The following PTPRD variants were observed in gnomAD, a reference collection of about 807,000 sequenced individuals.
PTPRD encodes the protein receptor-type tyrosine-protein phosphatase delta.
Under a neutral mutation model 214.5 loss-of-function variants are expected in PTPRD, and 34 were observed. That is an observed-to-expected ratio of 0.16 (90% CI 0.12 to 0.21). PTPRD has a LOEUF of 0.21. PTPRD is among the 10% of genes least tolerant of loss of function. The pLI is 1.00. For missense variants in PTPRD, 2,545 were observed against 2,398.7 expected (o/e 1.06, Z -1.27); for synonymous variants, 1,128 against 845.7 (o/e 1.33, Z -5.79).
chr9:9,854,288 T>C (rs895987274), intron 5 of PTPRD, among the ~76,000 whole-genome samples: 4 of 152,200 alleles, frequency 2.6e-5, no homozygotes, highest in Non-Finnish European at 5.9e-5. Flanking sequence ...CATGGTCATA[T>C]AGGGAACAAG....
chr9:10,195,017 C>T (rs1773788976), intron 3 of PTPRD, among the ~76,000 whole-genome samples: 1 of 149,400 alleles, frequency 6.7e-6, no homozygotes, highest in African/African-American at 2.5e-5. Context: ...ACTGTAACCT[C>T]TGCCTCCTGG....
At chr9:9,138,751 C>T (rs1335933154) in intron 10 of PTPRD, among the ~76,000 whole-genome samples, 2 of 152,064 alleles carry the variant, frequency 1.3e-5, no homozygotes, top group East Asian at 3.9e-4. Context: ...TGTATTTTAA[C>T]ACAGAGTTGT....
At chr9:8,809,663 T>C (rs1476497271) in intron 11 of PTPRD, among the ~76,000 whole-genome samples, 2 of 152,172 alleles carry the variant, frequency 1.3e-5, no homozygotes, top group Non-Finnish European at 2.9e-5. Flanking sequence ...AACTACATCT[T>C]ATCTCCATTG....
rs910054401 is a variant in PTPRD, at chr9:10,031,675, C to G, written c.-472+2043G>C. Among the ~76,000 whole-genome samples the G allele has an allele frequency of 1.1e-4, 16 of 139,976 alleles. No individual in the cohort carries two copies. In the Admixed American group the frequency reaches 1.2e-3, roughly 10 times the overall value. 91.8% of individuals were successfully genotyped at this position (139,976 alleles called of 152,430 possible). A position where few individuals can be genotyped will look rare whatever the true frequency, so the allele number is the denominator to read the frequency against. On this transcript the variant is annotated intron_variant, in intron 4 of 45. Transcript: ENST00000381196. ...ACACACACACACACACATACACACA[C>G]ACACACATATCCTATTAGTTCTGTC...
At chr9:8,471,292 T>C (rs543079238) in intron 30 of PTPRD, among the ~76,000 whole-genome samples, 1 of 152,236 alleles carries the variant, frequency 6.6e-6, no homozygotes, top group South Asian at 2.1e-4. Flanking sequence ...ATTGCAGTGA[T>C]CTTGTATGGT....
intron 3 of PTPRD, among the ~76,000 whole-genome samples, chr9:10,258,266 A>T (rs562962655): frequency 1.3e-5 from 2 of 148,594 alleles, no homozygotes; most frequent in South Asian, 4.2e-4. Context: ...ATTTCTGCTT[A>T]GGCAGCCCTC....
chr9:8,723,980 A>G (rs975866576), intron 12 of PTPRD, among the ~76,000 whole-genome samples: 2 of 152,226 alleles, frequency 1.3e-5, no homozygotes, highest in Admixed American at 6.5e-5. Context: ...TTGAAAACCT[A>G]TTGCAAATTG....
intron 4 of PTPRD, among the ~76,000 whole-genome samples, chr9:9,947,129 T>C (rs539399214): frequency 6.7e-6 from 1 of 149,186 alleles, no homozygotes; most frequent in Non-Finnish European, 1.5e-5. Flanking sequence ...CACGTCCCTT[T>C]ATCATGTATT....
chr9:9,001,992 T>TG (rs1265887311), intron 11 of PTPRD, among the ~76,000 whole-genome samples: 11 of 88,106 alleles, frequency 1.2e-4, no homozygotes, highest in Non-Finnish European at 2.0e-4. Context: ...TGTGTGTGTT[T>TG]GGGGGGTTGG....
intron 14 of PTPRD, among the ~76,000 whole-genome samples, chr9:8,548,711 TG>T (rs2081074148): frequency 1.2e-5 from 1 of 80,358 alleles, no homozygotes; most frequent in Non-Finnish European, 2.5e-5. Flanking sequence ...TTTTTTTTTT[TG>T]AGACGGAGTT....
chr9:9,357,487 C>T (rs1239064387), intron 9 of PTPRD, among the ~76,000 whole-genome samples: 3 of 151,128 alleles, frequency 2.0e-5, no homozygotes, highest in East Asian at 2.0e-4. Context: ...CTTTGAATGG[C>T]GTTAGTCACT....
At chr9:9,794,980 G>T (rs759702865) in intron 5 of PTPRD, among the ~76,000 whole-genome samples, 30 of 152,220 alleles carry the variant, frequency 2.0e-4, no homozygotes, top group Admixed American at 1.6e-3. Flanking sequence ...GGAGTGGAAA[G>T]AGCAGAGGTA....
chr9:9,704,290 C>A (rs1274649646), intron 7 of PTPRD, among the ~76,000 whole-genome samples: 13 of 151,516 alleles, frequency 8.6e-5, no homozygotes, highest in Non-Finnish European at 1.5e-4. Flanking sequence ...TACTTTATTG[C>A]AGCTCACTAA....
At chr9:8,549,872 C>A (rs923400279) in intron 14 of PTPRD, among the ~76,000 whole-genome samples, 1 of 151,990 alleles carries the variant, frequency 6.6e-6, no homozygotes. Flanking sequence ...TGCAATCAGA[C>A]AAAAAGGGTA....
chr9:8,616,753 C>T (rs893439140), intron 14 of PTPRD, among the ~76,000 whole-genome samples: 20 of 152,054 alleles, frequency 1.3e-4, no homozygotes, highest in African/African-American at 4.6e-4. Context: ...TAAAGACTGC[C>T]GATGTTATTA....
chr9:10,022,805 T>C (rs1365064157), intron 4 of PTPRD, among the ~76,000 whole-genome samples: 5 of 152,234 alleles, frequency 3.3e-5, no homozygotes, highest in African/African-American at 9.6e-5. Context: ...TTAAAAATGA[T>C]TTCTTCCATT....
At chr9:10,326,921 CAA>C (rs1289547120) in intron 3 of PTPRD, among the ~76,000 whole-genome samples, 1 of 151,132 alleles carries the variant, frequency 6.6e-6, no homozygotes, top group African/African-American at 2.4e-5. Flanking sequence ...ATTTGGAATA[CAA>C]TAGAACTATG....
At chr9:8,503,872 T>G (rs956273634) in intron 23 of PTPRD, among the ~76,000 whole-genome samples, 3 of 152,218 alleles carry the variant, frequency 2.0e-5, no homozygotes, top group Non-Finnish European at 4.4e-5. Flanking sequence ...AATAAAGTTT[T>G]TTTTTGTCTT....
intron 11 of PTPRD, among the ~76,000 whole-genome samples, chr9:8,986,777 G>C (rs980970631): frequency 3.3e-5 from 5 of 152,022 alleles, no homozygotes; most frequent in African/African-American, 1.2e-4. Flanking sequence ...GTTTTTGCAT[G>C]CTAATATCAA....
Sources: allele counts gnomAD v4.1 joint callset (sites outside exome capture counted in the v4.1 genomes callset), GRCh38; gene constraint gnomAD v4.1.1; transcripts MANE v1.5; gene names NCBI Gene and HGNC (gene_info 2026-07-23, HGNC 2026-07-21).